Variants in EIF4G3 observed in about 807,000 individuals in gnomAD.
The protein encoded by EIF4G3 is eIF-4-gamma 3.
In EIF4G3, 34 loss-of-function variants were observed where a neutral mutation model predicts 186.4. The ratio of observed to expected loss-of-function variants is 0.18; its 90% confidence interval spans 0.14 to 0.24. EIF4G3 has a LOEUF of 0.24. Among genes scored for constraint, EIF4G3 ranks in the 10% least tolerant of loss-of-function variants. The probability of loss-of-function intolerance (pLI) is 1.00; values close to 1 mark genes in which losing one functional copy is unlikely to be tolerated. For missense variants in EIF4G3, 1,536 were observed against 1,948.5 expected (o/e 0.79, Z 3.99); for synonymous variants, 673 against 679.5 (o/e 0.99, Z 0.15).
intron 2 of EIF4G3, among the ~76,000 whole-genome samples, chr1:21,125,769 TATACACACACAC>T (rs1337717324): frequency 8.7e-6 from 1 of 114,492 alleles, no homozygotes; most frequent in Admixed American, 8.6e-5. Context: ...TTTATATATA[TATACACACACAC>T]ACACACACAC....
At position 20,872,830 on chromosome 1, in the gene EIF4G3, T is replaced by A. The variant is rs183262289; in HGVS notation, c.2622+6493A>T. Reference sequence around the variant, plus strand: ...ACCTCCCTGCCTCAAGCAATTCTCCTGCCTCAAGCAATTCTCCTGCCTCAG... The same window carrying A: ...ACCTCCCTGCCTCAAGCAATTCTCCAGCCTCAAGCAATTCTCCTGCCTCAG... On this transcript the variant is annotated intron_variant, in intron 20 of 36. Coordinates refer to ENST00000602326, the MANE Select transcript of EIF4G3 (RefSeq NM_001391906.1). Among the ~76,000 whole-genome samples the A allele has an allele frequency of 1.7e-3, 253 of 148,166 alleles. 1 individual carries two copies. The highest frequency in any genetic ancestry group is 5.3e-3 in the African/African-American group (216 of 40,448).
intron 29 of EIF4G3, among the ~76,000 whole-genome samples, chr1:20,845,095 G>T (rs1409032146): frequency 2.6e-5 from 4 of 151,916 alleles, no homozygotes; most frequent in African/African-American, 4.8e-5. Context: ...TCATAGTTTT[G>T]AGTTTTACAT....
chr1:21,054,790 T>A (rs992996809), intron 3 of EIF4G3, among the ~76,000 whole-genome samples: 1 of 151,760 alleles, frequency 6.6e-6, no homozygotes, highest in Non-Finnish European at 1.5e-5. Context: ...GATATAAACA[T>A]CTTCAGGATC....
At chr1:20,861,830 C>T (rs112537409) in intron 23 of EIF4G3, among the ~76,000 whole-genome samples, 167 of 152,120 alleles carry the variant, frequency 1.1e-3, no homozygotes, top group African/African-American at 3.9e-3. Context: ...AAAAATTGCC[C>T]AGGTGTGGGG....
chr1:21,040,701 G>C (rs1394585499), intron 4 of EIF4G3, among the ~76,000 whole-genome samples: 4 of 152,226 alleles, frequency 2.6e-5, no homozygotes, highest in Non-Finnish European at 4.4e-5. Flanking sequence ...TGTTATTACA[G>C]TTCTGTTAAA....
At chr1:21,012,900 C>G (rs115326888) in intron 4 of EIF4G3, among the ~76,000 whole-genome samples, 3 of 152,048 alleles carry the variant, frequency 2.0e-5, no homozygotes, top group Non-Finnish European at 4.4e-5. Context: ...CGTGAGTTCC[C>G]CAAGTGTAAA....
At chr1:21,118,954 A>AG (rs1491024757) in intron 2 of EIF4G3, among the ~76,000 whole-genome samples, 136 of 140,510 alleles carry the variant, frequency 9.7e-4, no homozygotes, top group Non-Finnish European at 1.3e-3. Context: ...AAAAAAAAAA[A>AG]AGAGAAGAAA....
chr1:21,023,724 C>A (rs75867710), intron 4 of EIF4G3, among the ~76,000 whole-genome samples: 1 of 149,928 alleles, frequency 6.7e-6, no homozygotes, highest in South Asian at 2.1e-4. Context: ...CGCCCATCGT[C>A]TGGGATGTGA....
At chr1:21,010,433 AAAAAGAAAAAGAAAAAGAAAGAAAAAG>A (rs2086686197) in intron 4 of EIF4G3, among the ~76,000 whole-genome samples, 1 of 147,268 alleles carries the variant, frequency 6.8e-6, no homozygotes, top group Non-Finnish European at 1.5e-5. Flanking sequence ...AAAAAAAAAA[AAAAAGAAAAAGAAAAAGAAAGAAAAAG>A]AAAAGAAAAA....
chr1:21,092,685 C>T (rs1027389142), intron 2 of EIF4G3, among the ~76,000 whole-genome samples: 4 of 152,150 alleles, frequency 2.6e-5, no homozygotes, highest in African/African-American at 9.7e-5. Flanking sequence ...CATCACACTA[C>T]CTGACTTCAA....
At chr1:20,807,837 A>G (rs1212502288) in intron 36 of EIF4G3, among the ~76,000 whole-genome samples, 1 of 126,980 alleles carries the variant, frequency 7.9e-6, no homozygotes, top group Admixed American at 1.1e-4. Flanking sequence ...ATCTTGGCTC[A>G]CTGCAACCTC....
intron 20 of EIF4G3, among the ~76,000 whole-genome samples, chr1:20,868,037 GA>G (rs1309058841): frequency 6.0e-5 from 9 of 149,222 alleles, no homozygotes; most frequent in Admixed American, 6.0e-4. Context: ...TGGAAATATG[GA>G]AAGGGGCCAG....
At chr1:21,012,510 A>G (rs2087460618) in intron 4 of EIF4G3, among the ~76,000 whole-genome samples, 1 of 152,238 alleles carries the variant, frequency 6.6e-6, no homozygotes, top group Non-Finnish European at 1.5e-5. Flanking sequence ...GACTACGATG[A>G]TCCAGGTCCA....
rs2077687723 is a variant in EIF4G3 at position 20,980,335 on chromosome 1, A to G, written c.492T>C (p.Tyr164=). The G allele has an allele frequency of 2.6e-6, 4 of 1,542,630 alleles. No homozygotes were observed. Among genetic ancestry groups the G allele is most frequent in the South Asian group, 1.3e-5 (1 of 79,432 alleles). ...GPGPGDFPNA[Y]GTPFYPSQPV... is the part of the protein sequence containing the mutation. ...AATGTCTTGACTTTTCCTACTTACC[A>G]TAAGCATTGGGGAAGTCCCCAGGTC... Residue 164 remains tyrosine (Y), a splice_region_variant and synonymous_variant, in exon 10 of 37, where the codon TAT becomes TAC. Coordinates refer to ENST00000602326, the MANE Select transcript of EIF4G3 (RefSeq NM_001391906.1).
intron 31 of EIF4G3, among the ~76,000 whole-genome samples, chr1:20,828,902 G>A (rs1258360274): frequency 1.3e-5 from 2 of 152,168 alleles, no homozygotes; most frequent in African/African-American, 4.8e-5. Context: ...ACACGATTCT[G>A]GAGCCAATCT....
intron 4 of EIF4G3, among the ~76,000 whole-genome samples, chr1:21,036,199 G>C (rs1047857915): frequency 2.0e-5 from 3 of 152,032 alleles, no homozygotes; most frequent in Admixed American, 6.5e-5. Context: ...GCTGACGAGA[G>C]GAGCCACCCA....
chr1:21,026,584 TATTACACCA>T (rs1235922485), intron 4 of EIF4G3, among the ~76,000 whole-genome samples: 12 of 150,114 alleles, frequency 8.0e-5, no homozygotes, highest in Admixed American at 8.0e-4. Flanking sequence ...CATCGAAAGA[TATTACACCA>T]AGAGAGTCAA....
intron 14 of EIF4G3, among the ~76,000 whole-genome samples, chr1:20,908,241 G>T (rs981442574): frequency 1.4e-3 from 211 of 152,138 alleles, no homozygotes; most frequent in Middle Eastern, 3.4e-3. Context: ...TGATGGGGTT[G>T]TTTTTTTCTT....
intron 4 of EIF4G3, among the ~76,000 whole-genome samples, chr1:21,010,184 C>T (rs1470886871): frequency 6.6e-6 from 1 of 152,096 alleles, no homozygotes; most frequent in East Asian, 1.9e-4. Flanking sequence ...CGATGGCTCA[C>T]ACCTGTAATC....
Sources: gnomAD v4.1 joint callset for allele counts (sites outside exome capture counted in the v4.1 genomes callset) on GRCh38, gnomAD v4.1.1 for gene constraint, MANE v1.5 for transcripts, NCBI Gene and HGNC (gene_info 2026-07-23, HGNC 2026-07-21) for gene names.